The following PRELID2 variants were observed in gnomAD, a reference collection of about 807,000 sequenced individuals.
PRELID2 encodes PRELI domain-containing protein 2.
A neutral mutation model predicts 28.4 loss-of-function variants in PRELID2; 25 were observed. That is an observed-to-expected ratio of 0.88 (90% confidence interval 0.64 to 1.23). The LOEUF is 1.23. Ranked by LOEUF, PRELID2 falls within the 50% of genes most tolerant of loss-of-function variation. PRELID2 has a pLI of 0.00. For missense variants in PRELID2, 201 were observed against 214.4 expected, an observed-to-expected ratio of 0.94 and a Z score of 0.39; for synonymous variants, 76 against 71.6, an observed-to-expected ratio of 1.06 and a Z score of -0.31.
intron 1 of PRELID2, among the ~76,000 whole-genome samples, chr5:145,480,406 A>T (rs13166552): frequency 0.21 from 31,508 of 152,036 alleles, 3,713 homozygotes; most frequent in South Asian, 0.37. Flanking sequence ...AATGATATAC[A>T]GGGTGTTTCC....
intron 1 of PRELID2, among the ~76,000 whole-genome samples, chr5:145,739,460 G>T (rs1209434003): frequency 2.0e-5 from 3 of 152,090 alleles, no homozygotes; most frequent in Non-Finnish European, 4.4e-5. Context: ...AGCCGAGATT[G>T]CACCACTGCA....
intron 1 of PRELID2, among the ~76,000 whole-genome samples, chr5:145,534,789 C>G (rs535948035): frequency 3.2e-4 from 48 of 152,024 alleles, no homozygotes; most frequent in African/African-American, 1.2e-3. Flanking sequence ...GAACATCTAA[C>G]AACCTATAAT....
At chr5:145,816,898 C>A (rs4334931) in intron 4 of PRELID2, among the ~76,000 whole-genome samples, 3 of 151,746 alleles carry the variant, frequency 2.0e-5, no homozygotes, top group Non-Finnish European at 2.9e-5. Context: ...CAGTGGATCA[C>A]GCCTGGAATC....
chr5:145,291,275 C>A, the PRELID2 span, among the ~76,000 whole-genome samples: 1 of 139,868 alleles, frequency 7.1e-6, no homozygotes, highest in Non-Finnish European at 1.5e-5. Context: ...AGGCGGAGGT[C>A]GCAGTGAGCC....
intron 1 of PRELID2, among the ~76,000 whole-genome samples, chr5:145,712,533 A>G (rs1328548906): frequency 6.6e-6 from 1 of 152,184 alleles, no homozygotes; most frequent in Non-Finnish European, 1.5e-5. Context: ...AGCCCTCTAC[A>G]CTAGCAGCCT....
the PRELID2 span, among the ~76,000 whole-genome samples, chr5:145,320,211 A>G: frequency 6.6e-6 from 1 of 151,718 alleles, no homozygotes; most frequent in Non-Finnish European, 1.5e-5. Flanking sequence ...TCCTTAAACT[A>G]CTTGCACTTG....
At position 145,524,941 on chromosome 5, in the gene PRELID2, G is replaced by A. The variant is rs796596172; in HGVS notation, n.71-51626C>T. On this transcript the variant is annotated intron_variant and non_coding_transcript_variant, in intron 1 of 2. Coordinates refer to the PRELID2 transcript ENST00000510259. ...CCCTACCACGGCCTCTGTTACATAG[G>A]AAGAGTTTGACGCAAGTTAGCTAAT... is the stretch of plus-strand genomic sequence containing the variant. Among the ~76,000 whole-genome samples the A allele has an allele frequency of 5.5e-4, 84 of 152,264 alleles. 2 individuals carry two copies. The highest frequency in any genetic ancestry group is 2.0e-3 in the African/African-American group (82 of 41,552).
intron 1 of PRELID2, among the ~76,000 whole-genome samples, chr5:145,618,484 G>C (rs1264611831): frequency 6.6e-6 from 1 of 152,142 alleles, no homozygotes; most frequent in Non-Finnish European, 1.5e-5. Flanking sequence ...AGTCTACCAG[G>C]CTCTAGGCTG....
At chr5:145,658,294 A>C (rs1754430333) in intron 1 of PRELID2, among the ~76,000 whole-genome samples, 1 of 152,188 alleles carries the variant, frequency 6.6e-6, no homozygotes, top group Non-Finnish European at 1.5e-5. Context: ...TACCCCACCA[A>C]GTCCATTCCC....
intron 1 of PRELID2, among the ~76,000 whole-genome samples, chr5:145,744,604 C>T (rs566971150): frequency 4.6e-5 from 7 of 152,132 alleles, no homozygotes; most frequent in Non-Finnish European, 8.8e-5. Context: ...ACCACAGCAA[C>T]CCTACAGAAG....
chr5:145,768,063 A>G (rs569865785), intron 5 of PRELID2, among the ~76,000 whole-genome samples: 1 of 151,970 alleles, frequency 6.6e-6, no homozygotes, highest in African/African-American at 2.4e-5. Context: ...CGTCTCTACT[A>G]AAAATACAAA....
the PRELID2 span, among the ~76,000 whole-genome samples, chr5:145,353,102 A>T: frequency 9.2e-5 from 14 of 152,114 alleles, no homozygotes; most frequent in African/African-American, 3.4e-4. Context: ...GCATCTTTAT[A>T]GCAGCACCCC....
intron 1 of PRELID2, among the ~76,000 whole-genome samples, chr5:145,617,737 T>TC (rs967660613): frequency 6.7e-6 from 1 of 149,738 alleles, no homozygotes; most frequent in Non-Finnish European, 1.5e-5. Context: ...CTTTCTTTTT[T>TC]TTTTTTTTAA....
rs371155449 is a variant in PRELID2 at position 145,743,094 on chromosome 5, G to C, written n.70+21837C>G. Among the ~76,000 whole-genome samples, 71 of 152,100 alleles carry C rather than the reference G, an allele frequency of 4.7e-4. 1 individual carries two copies. The East Asian group carries it at 0.013, about 27-fold the overall frequency. ...GGGGCTAAAATGACGGACTAGAAAT[G>C]GGGGTGATAGAGGCTCCTATGCAAA... On this transcript the variant is annotated intron_variant and non_coding_transcript_variant, in intron 1 of 2. Transcript: ENST00000510259.
At chr5:145,332,484 T>G in the PRELID2 span, among the ~76,000 whole-genome samples, 1 of 152,086 alleles carries the variant, frequency 6.6e-6, no homozygotes, top group Non-Finnish European at 1.5e-5. Flanking sequence ...CTTTTTTCTC[T>G]AATCCTGTCT....
At chr5:145,260,863 T>TC in the PRELID2 span, among the ~76,000 whole-genome samples, 1 of 152,162 alleles carries the variant, frequency 6.6e-6, no homozygotes, top group Middle Eastern at 3.2e-3. Context: ...ATGGGACAGC[T>TC]GAGGAACTGT....
chr5:145,730,144 T>C (rs1756297514), intron 1 of PRELID2, among the ~76,000 whole-genome samples: 1 of 152,094 alleles, frequency 6.6e-6, no homozygotes, highest in South Asian at 2.1e-4. Context: ...TTCCACCCTT[T>C]AGCACAGAGC....
chr5:145,787,134 A>C (rs1752045399), intron 5 of PRELID2, among the ~76,000 whole-genome samples: 1 of 152,224 alleles, frequency 6.6e-6, no homozygotes, highest in Admixed American at 6.5e-5. Flanking sequence ...TCACAAACTC[A>C]AAAACAAAAA....
At chr5:145,779,706 T>C (rs916512751) in intron 5 of PRELID2, among the ~76,000 whole-genome samples, 1 of 152,152 alleles carries the variant, frequency 6.6e-6, no homozygotes, top group Non-Finnish European at 1.5e-5. Context: ...TTTTAAGTAC[T>C]TCCTTATACT....
Sources: gnomAD v4.1 joint callset for allele counts (sites outside exome capture counted in the v4.1 genomes callset) on GRCh38, gnomAD v4.1.1 for gene constraint, MANE v1.5 for transcripts, NCBI Gene and HGNC (gene_info 2026-07-23, HGNC 2026-07-21) for gene names.